RAD51B: variants seen among roughly 807,000 people sequenced by gnomAD.
RAD51B encodes the protein DNA repair protein RAD51 homolog 2.
Under a neutral mutation model 42.2 loss-of-function variants are expected in RAD51B, and 38 were observed. The ratio of observed to expected loss-of-function variants is 0.90; its 90% CI spans 0.70 to 1.18. RAD51B has a LOEUF of 1.18. RAD51B is among the 50% of genes most tolerant of loss of function. The pLI is 0.00. For synonymous variants in RAD51B, 154 were observed against 145.2 expected, an observed-to-expected ratio of 1.06 and a Z score of -0.43; for missense variants, 373 against 400.7, an observed-to-expected ratio of 0.93 and a Z score of 0.59.
chr14:68,253,078 G>A (rs1238795025), intron 7 of RAD51B, among the ~76,000 whole-genome samples: 6 of 142,654 alleles, frequency 4.2e-5, no homozygotes, highest in East Asian at 2.0e-4. Context: ...GCAGGACTCC[G>A]TCAAAAAAAA....
At chr14:67,885,474 A>G (rs190664670) in intron 5 of RAD51B, among the ~76,000 whole-genome samples, 1 of 152,352 alleles carries the variant, frequency 6.6e-6, no homozygotes, top group African/African-American at 2.4e-5. Flanking sequence ...GATATCTATT[A>G]TAATACAATA....
chr14:68,094,486 A>C (rs775956427), intron 7 of RAD51B, among the ~76,000 whole-genome samples: 2 of 152,258 alleles, frequency 1.3e-5, no homozygotes, highest in Non-Finnish European at 2.9e-5. Context: ...GCCATTTATG[A>C]AAATTTAAAA....
chr14:68,449,244 CAA>C (rs2140181139), intron 9 of RAD51B, among the ~76,000 whole-genome samples: 1 of 152,202 alleles, frequency 6.6e-6, no homozygotes, highest in Non-Finnish European at 1.5e-5. Context: ...TGTTTCAAAC[CAA>C]AGAGGTAGCA....
chr14:67,906,137 G>A (rs2043775292), intron 7 of RAD51B, among the ~76,000 whole-genome samples: 1 of 152,106 alleles, frequency 6.6e-6, no homozygotes. Context: ...AGCCTTTTCT[G>A]TGTCTGTTGA....
chr14:68,089,888 T>C (rs1240882962), intron 7 of RAD51B, among the ~76,000 whole-genome samples: 1 of 152,150 alleles, frequency 6.6e-6, no homozygotes, highest in Non-Finnish European at 1.5e-5. Flanking sequence ...ATATGTGGGC[T>C]TTTATGCCCT....
At chr14:68,070,859 G>A (rs1310435745) in intron 7 of RAD51B, among the ~76,000 whole-genome samples, 1 of 151,172 alleles carries the variant, frequency 6.6e-6, no homozygotes, top group African/African-American at 2.4e-5. Context: ...TTGAATCTGT[G>A]TATTGCTTTT....
intron 7 of RAD51B, among the ~76,000 whole-genome samples, chr14:67,944,088 AGC>A (rs1010964363): frequency 6.6e-6 from 1 of 152,148 alleles, no homozygotes; most frequent in African/African-American, 2.4e-5. Flanking sequence ...AAAACAGTAC[AGC>A]CAGGGGGAGT....
chr14:67,958,944 T>G (rs545690939), intron 7 of RAD51B, among the ~76,000 whole-genome samples: 3 of 152,318 alleles, frequency 2.0e-5, no homozygotes, highest in Admixed American at 2.0e-4. Flanking sequence ...TCACCTTGCC[T>G]CTACTGCCCT....
chr14:67,920,664 A>C (rs2044293740), intron 7 of RAD51B, among the ~76,000 whole-genome samples: 1 of 152,210 alleles, frequency 6.6e-6, no homozygotes, highest in Non-Finnish European at 1.5e-5. Context: ...CAGGGGTCTG[A>C]GAACATTAGT....
intron 7 of RAD51B, among the ~76,000 whole-genome samples, chr14:68,227,819 G>A (rs1197542406): frequency 1.3e-5 from 2 of 152,084 alleles, no homozygotes; most frequent in Non-Finnish European, 2.9e-5. Context: ...TAAGTATGAT[G>A]GGCATGCCTA....
chr14:68,038,964 T>A (rs1279706574), intron 7 of RAD51B, among the ~76,000 whole-genome samples: 1 of 152,186 alleles, frequency 6.6e-6, no homozygotes, highest in Non-Finnish European at 1.5e-5. Flanking sequence ...GTATATCTCT[T>A]CACAACTTCA....
chr14:68,018,778 A>G (rs1260764839), intron 7 of RAD51B, among the ~76,000 whole-genome samples: 2 of 152,132 alleles, frequency 1.3e-5, no homozygotes, highest in Non-Finnish European at 2.9e-5. Context: ...TCAGCTTTTT[A>G]TGTGTCTGGA....
At position 67,843,630 on chromosome 14, in the gene RAD51B, A is replaced by G. The variant is rs543412931; in HGVS notation, c.315+8434A>G. 13 of 151,804 alleles carry G rather than the reference A, an allele frequency of 8.6e-5. No individual in the cohort carries two copies. In the South Asian group the frequency reaches 1.2e-3, roughly 15 times the overall value. The allele number at this position is 151,804 out of a possible 1,614,324, so 9.4% of individuals were successfully genotyped here. On this transcript the variant is annotated intron_variant, in intron 4 of 10. Coordinates refer to ENST00000471583, the MANE Select transcript of RAD51B (RefSeq NM_133510.4). ...TTTATGCATTTCTTCTAGGTTTTCT[A>G]GTTAGTGTACATAGAGGCGTTTGTA...
chr14:68,491,340 CT>C (rs1884058308), intron 10 of RAD51B, among the ~76,000 whole-genome samples: 1 of 152,202 alleles, frequency 6.6e-6, no homozygotes, highest in Non-Finnish European at 1.5e-5. Flanking sequence ...AAGGAAGGAT[CT>C]TTTGAAATGT....
chr14:68,007,483 C>T (rs567116046), intron 7 of RAD51B, among the ~76,000 whole-genome samples: 72 of 151,974 alleles, frequency 4.7e-4, no homozygotes, highest in African/African-American at 1.6e-3. Context: ...TGTGAGGTTC[C>T]AATTTCTTCA....
intron 7 of RAD51B, among the ~76,000 whole-genome samples, chr14:68,278,208 T>C (rs1304372167): frequency 1.3e-5 from 2 of 152,246 alleles, no homozygotes; most frequent in African/African-American, 4.8e-5. Context: ...GCTGGTGAGT[T>C]ACCCTTATAC....
chr14:67,871,636 A>C lies in RAD51B; in HGVS notation c.452+6497A>C, dbSNP rs561886123. 1.6e-4 allele frequency among the ~76,000 whole-genome samples: 25 copies of C among 152,266 alleles called. 1 individual carries two copies. The East Asian group carries it at 4.8e-3, about 29-fold the overall frequency. ...AAAGCCGGGCAGAGACACAACCAAA[A>C]AAGAGAATTTTAGACCAATATCCTT... On this transcript the variant is annotated intron_variant, in intron 5 of 10. Coordinates refer to ENST00000471583, the MANE Select transcript of RAD51B (RefSeq NM_133510.4).
chr14:68,251,613 C>G (rs1270315798), intron 7 of RAD51B, among the ~76,000 whole-genome samples: 2 of 152,194 alleles, frequency 1.3e-5, no homozygotes, highest in Non-Finnish European at 2.9e-5. Context: ...ATCTGTTCCT[C>G]TAGGTGTGCA....
At chr14:67,933,737 A>G (rs1396258096) in intron 7 of RAD51B, among the ~76,000 whole-genome samples, 1 of 151,870 alleles carries the variant, frequency 6.6e-6, no homozygotes, top group Non-Finnish European at 1.5e-5. Flanking sequence ...TCTCTTCTAG[A>G]TGTTCTATTA....
Sources: allele counts gnomAD v4.1 joint callset (sites outside exome capture counted in the v4.1 genomes callset), GRCh38; gene constraint gnomAD v4.1.1; transcripts MANE v1.5; gene names NCBI Gene and HGNC (gene_info 2026-07-23, HGNC 2026-07-21).